ASTN2: variants seen among roughly 807,000 people sequenced by gnomAD.
ASTN2 encodes astrotactin-2.
In ASTN2, 54 loss-of-function variants were observed where a neutral mutation model predicts 139.8. That is an observed-to-expected ratio of 0.39 (90% CI 0.31 to 0.48). The LOEUF (loss-of-function observed/expected upper bound fraction) is 0.48, where lower values mean the gene tolerates loss of function less well. Ranked by LOEUF, ASTN2 falls within the 20% of genes least tolerant of loss-of-function variation. The pLI, the probability that ASTN2 is intolerant of heterozygous loss-of-function variation, is 0.95. For synonymous variants in ASTN2, 756 were observed against 719.5 expected, an observed-to-expected ratio of 1.05 and a Z score of -0.81; for missense variants, 1,565 against 1,725.1, an observed-to-expected ratio of 0.91 and a Z score of 1.64.
At chr9:117,286,304 C>T (rs1411689482) in intron 2 of ASTN2, among the ~76,000 whole-genome samples, 8 of 151,162 alleles carry the variant, frequency 5.3e-5, no homozygotes, top group Admixed American at 4.0e-4. Context: ...CTGCTAGGAC[C>T]TATTGCATTT....
chr9:116,753,342 G>A (rs553081033), intron 13 of ASTN2, among the ~76,000 whole-genome samples: 3 of 152,348 alleles, frequency 2.0e-5, no homozygotes, highest in South Asian at 2.1e-4. Flanking sequence ...GTTGCCAGGA[G>A]TTCAGGGAGA....
chr9:116,932,381 T>C (rs774888700), intron 10 of ASTN2, among the ~76,000 whole-genome samples: 8 of 152,116 alleles, frequency 5.3e-5, no homozygotes, highest in Non-Finnish European at 8.8e-5. Context: ...GACAATTTCA[T>C]TGGGTTTTTG....
intron 10 of ASTN2, among the ~76,000 whole-genome samples, chr9:116,930,191 C>T (rs891816917): frequency 1.3e-5 from 2 of 152,144 alleles, no homozygotes; most frequent in Admixed American, 6.5e-5. Context: ...GGATGGACCA[C>T]TTTGTTGTTG....
intron 16 of ASTN2, among the ~76,000 whole-genome samples, chr9:116,675,014 G>A (rs1290587210): frequency 2.0e-5 from 3 of 152,112 alleles, no homozygotes; most frequent in African/African-American, 7.2e-5. Context: ...TACGCAGTGG[G>A]CAAGGTGAAC....
At chr9:116,714,312 G>C (rs1156521846) in intron 16 of ASTN2, among the ~76,000 whole-genome samples, 1 of 152,178 alleles carries the variant, frequency 6.6e-6, no homozygotes, top group African/African-American at 2.4e-5. Context: ...CATGACATAG[G>C]AAGTCTGGCA....
intron 11 of ASTN2, among the ~76,000 whole-genome samples, chr9:116,850,771 C>G (rs535946598): frequency 3.3e-5 from 5 of 152,170 alleles, no homozygotes; most frequent in African/African-American, 1.2e-4. Context: ...AGGGTTGGTA[C>G]CAGCTGGAGA....
At chr9:116,966,524 T>C (rs1836014648) in intron 10 of ASTN2, among the ~76,000 whole-genome samples, 1 of 152,162 alleles carries the variant, frequency 6.6e-6, no homozygotes, top group South Asian at 2.1e-4. Flanking sequence ...CTCATCCTAA[T>C]AGACTTCACT....
intron 3 of ASTN2, among the ~76,000 whole-genome samples, chr9:117,206,763 G>A (rs1831939621): frequency 6.6e-6 from 1 of 152,018 alleles, no homozygotes; most frequent in Admixed American, 6.5e-5. Context: ...ATCCTGCCTT[G>A]AGCCAGCCAA....
intron 17 of ASTN2, among the ~76,000 whole-genome samples, chr9:116,633,993 C>T (rs548325688): frequency 6.6e-6 from 1 of 152,120 alleles, no homozygotes; most frequent in African/African-American, 2.4e-5. Flanking sequence ...TTACACGTGA[C>T]GGAGGGATGG....
At chr9:116,931,012 C>T (rs1157479120) in intron 10 of ASTN2, among the ~76,000 whole-genome samples, 1 of 152,140 alleles carries the variant, frequency 6.6e-6, no homozygotes, top group African/African-American at 2.4e-5. Flanking sequence ...ACACCTCCCA[C>T]CCTCTGCCAA....
chr9:116,524,030 T>C (rs1354130514), intron 19 of ASTN2, among the ~76,000 whole-genome samples: 2 of 152,186 alleles, frequency 1.3e-5, no homozygotes, highest in African/African-American at 4.8e-5. Context: ...CACAGTGGCA[T>C]AGCTTAGATG....
intron 1 of ASTN2, among the ~76,000 whole-genome samples, chr9:117,384,199 T>C (rs560963744): frequency 7.2e-5 from 11 of 152,320 alleles, no homozygotes; most frequent in Non-Finnish European, 1.5e-5. Flanking sequence ...TATAGGATTA[T>C]GCTGGGTTGC....
chr9:116,897,951 CA>C (rs59661795), intron 10 of ASTN2, among the ~76,000 whole-genome samples: 3,783 of 152,114 alleles, frequency 0.025, 143 homozygotes, highest in African/African-American at 0.084. Flanking sequence ...ACTAGATTAG[CA>C]ATGACAAATG....
chr9:116,812,960 G>A (rs1229348098), intron 12 of ASTN2, among the ~76,000 whole-genome samples: 2 of 152,018 alleles, frequency 1.3e-5, no homozygotes, highest in African/African-American at 4.8e-5. Flanking sequence ...GTTCTCCCCC[G>A]CCGAGCCACC....
At chr9:117,019,814 T>C (rs193005398) in intron 6 of ASTN2, among the ~76,000 whole-genome samples, 22 of 152,248 alleles carry the variant, frequency 1.4e-4, no homozygotes. Context: ...TTTATGCCTA[T>C]GATTCACTCT....
intron 10 of ASTN2, among the ~76,000 whole-genome samples, chr9:116,969,608 T>C (rs549708518): frequency 1.1e-4 from 17 of 152,140 alleles, no homozygotes; most frequent in African/African-American, 3.9e-4. Flanking sequence ...GAAACAGGAA[T>C]AGTGAGTCCC....
intron 20 of ASTN2, among the ~76,000 whole-genome samples, chr9:116,468,366 G>A (rs1312495847): frequency 6.6e-6 from 1 of 152,198 alleles, no homozygotes. Flanking sequence ...CGTGTTAGGA[G>A]AAAGTTTCCT....
At position 116,944,198 on chromosome 9, in the gene ASTN2, T is replaced by A. The variant is rs1328807339; in HGVS notation, c.1889+31010A>T. Among the ~76,000 whole-genome samples the A allele has an allele frequency of 2.0e-5, 3 of 152,086 alleles. No individual in the cohort carries two copies. In the South Asian group the frequency reaches 6.2e-4, roughly 32 times the overall value. ...TGCCCAGCGTCTTAATATGAGTAGGTAGCAGAGCTCAAATTTAAATCTGGG... is the reference window on the plus strand; with the variant it reads ...TGCCCAGCGTCTTAATATGAGTAGGAAGCAGAGCTCAAATTTAAATCTGGG... On this transcript the variant is annotated intron_variant, in intron 10 of 22. Transcript: ENST00000313400.
At chr9:116,757,419 A>G (rs948192500) in intron 13 of ASTN2, among the ~76,000 whole-genome samples, 2 of 152,216 alleles carry the variant, frequency 1.3e-5, no homozygotes, top group African/African-American at 2.4e-5. Flanking sequence ...GTCACAGAAC[A>G]TGCCCATGGC....
Sources: allele counts gnomAD v4.1 joint callset (sites outside exome capture counted in the v4.1 genomes callset), GRCh38; gene constraint gnomAD v4.1.1; transcripts MANE v1.5; gene names NCBI Gene and HGNC (gene_info 2026-07-23, HGNC 2026-07-21).